Variants in NEMP2 observed in about 807,000 individuals in gnomAD.
NEMP2 encodes the protein nuclear envelope integral membrane protein 2.
NEMP2 carries 53 observed loss-of-function variants against 54.2 expected under a neutral mutation model. The observed-to-expected ratio is 0.98, with a 90% CI of 0.78 to 1.23. NEMP2 has a LOEUF of 1.23. Among genes scored for constraint, NEMP2 ranks in the 50% most tolerant of loss-of-function variants. The pLI is 0.00. For missense variants in NEMP2, 455 were observed against 511.3 expected, an observed-to-expected ratio of 0.89 and a Z score of 1.06; for synonymous variants, 197 against 190.3, an observed-to-expected ratio of 1.04 and a Z score of -0.29.
the NEMP2 span, among the ~76,000 whole-genome samples, chr2:190,487,170 G>A: frequency 6.6e-6 from 1 of 151,954 alleles, no homozygotes; most frequent in Admixed American, 6.6e-5. This position sits in a 1 kb window ranked among gnomAD's most constrained non-coding sequence, Gnocchi z 5.5. Context: ...GTGAAACCCT[G>A]TCTCTACTAA....
Position 190,527,088 on chromosome 2 carries a change from T to C in NEMP2, c.98-1710A>G, listed in dbSNP as rs1690967323. ...TAGAGTGTCACCTCCACATCTGTTC[T>C]TTAGGAAACAGGAACAAGGAACACT... On this transcript the variant is annotated intron_variant, in intron 1 of 8. Coordinates refer to ENST00000409150, the MANE Select transcript of NEMP2 (RefSeq NM_001142645.2). This position sits in a 1 kb window ranked among gnomAD's most constrained non-coding sequence, Gnocchi z 4.0. 6.6e-6 allele frequency among the ~76,000 whole-genome samples: 1 copy of C among 152,184 alleles called. No homozygotes were observed. The highest frequency in any genetic ancestry group is 2.1e-4 in the South Asian group (1 of 4,824).
chr2:190,469,694 T>C, the NEMP2 span: 1 of 967,430 alleles, frequency 1.0e-6, no homozygotes, highest in African/African-American at 1.7e-5. The surrounding 1 kb of genome is among the most constrained non-coding windows in gnomAD (Gnocchi z 5.3). Flanking sequence ...GATTGTATAT[T>C]AGGGACTCAG....
At chr2:190,581,883 G>A in the NEMP2 span, among the ~76,000 whole-genome samples, 4 of 152,094 alleles carry the variant, frequency 2.6e-5, no homozygotes, top group South Asian at 6.2e-4. Flanking sequence ...AGTCATATTG[G>A]TAACTTGAAA....
Position 190,525,039 on chromosome 2 carries a change from A to C in NEMP2, c.213+224T>G, listed in dbSNP as rs1199153654. On this transcript the variant is annotated intron_variant, in intron 2 of 8. Transcript: ENST00000409150. This position sits in a 1 kb window ranked among gnomAD's most constrained non-coding sequence, Gnocchi z 5.0. Reference sequence around the variant, plus strand: ...ACATTTAGATAGTATATTCATTGGGAGTGGCTTGGGAGGGGCTGAGGGAGA... The same window carrying C: ...ACATTTAGATAGTATATTCATTGGGCGTGGCTTGGGAGGGGCTGAGGGAGA... 6.6e-6 allele frequency among the ~76,000 whole-genome samples: 1 copy of C among 152,184 alleles called. No homozygotes were observed. Among genetic ancestry groups the C allele is most frequent in the Non-Finnish European group, 1.5e-5 (1 of 68,030 alleles).
chr2:190,610,172 C>T, the NEMP2 span: 1 of 152,128 alleles, frequency 6.6e-6, no homozygotes, highest in Non-Finnish European at 1.5e-5. This position sits in a 1 kb window ranked among gnomAD's most constrained non-coding sequence, Gnocchi z 5.4. Context: ...AGTTTTGAAA[C>T]ATAATTTTTC....
the NEMP2 span, among the ~76,000 whole-genome samples, chr2:190,439,260 C>T: frequency 0.33 from 50,390 of 151,514 alleles, 9,137 homozygotes; most frequent in Admixed American, 0.47. This position sits in a 1 kb window ranked among gnomAD's most constrained non-coding sequence, Gnocchi z 5.8. Flanking sequence ...CTTACCAATG[C>T]GTGGAGTTCT....
chr2:190,443,698 T>C, the NEMP2 span, among the ~76,000 whole-genome samples: 1 of 152,226 alleles, frequency 6.6e-6, no homozygotes, highest in Non-Finnish European at 1.5e-5. This position sits in a 1 kb window ranked among gnomAD's most constrained non-coding sequence, Gnocchi z 4.2. Flanking sequence ...AAATTGGAAG[T>C]GCACTCCTGA....
intron 1 of NEMP2, among the ~76,000 whole-genome samples, chr2:190,532,079 T>C (rs1691164417): frequency 1.3e-5 from 2 of 152,208 alleles, no homozygotes; most frequent in Non-Finnish European, 2.9e-5. Flanking sequence ...CTGTTTTTCT[T>C]TGGGGACAAG....
chr2:190,460,081 ACTCT>A, the NEMP2 span, among the ~76,000 whole-genome samples: 1 of 151,962 alleles, frequency 6.6e-6, no homozygotes, highest in Non-Finnish European at 1.5e-5. Flanking sequence ...CCTAGCTCTT[ACTCT>A]TCTGGTGAGA....
At chr2:190,623,626 A>G in the NEMP2 span, among the ~76,000 whole-genome samples, 1 of 152,222 alleles carries the variant, frequency 6.6e-6, no homozygotes, top group African/African-American at 2.4e-5. Flanking sequence ...CAGAAGAATG[A>G]AGCTAACCTC....
the NEMP2 span, among the ~76,000 whole-genome samples, chr2:190,472,960 C>T: frequency 6.6e-6 from 1 of 152,114 alleles, no homozygotes; most frequent in African/African-American, 2.4e-5. Context: ...GAATTTTCAA[C>T]CCAGAATTTC....
chr2:190,476,629 T>G, the NEMP2 span, among the ~76,000 whole-genome samples: 1 of 152,268 alleles, frequency 6.6e-6, no homozygotes, highest in Non-Finnish European at 1.5e-5. Context: ...ATTCAACCAT[T>G]GTGGAAGTCA....
chr2:190,534,023 G>A (rs1227066817), intron 1 of NEMP2: 1 of 981,432 alleles, frequency 1.0e-6, no homozygotes, highest in East Asian at 1.2e-4. Flanking sequence ...TGCCGCTCAC[G>A]TGGGACCGTT....
chr2:190,440,525 A>G, the NEMP2 span, among the ~76,000 whole-genome samples: 91 of 152,378 alleles, frequency 6.0e-4, no homozygotes, highest in Admixed American at 5.7e-3. Context: ...ATCTTAAGGT[A>G]TCTTCACATT....
the NEMP2 span, among the ~76,000 whole-genome samples, chr2:190,549,577 C>T: frequency 2.0e-5 from 3 of 152,096 alleles, no homozygotes; most frequent in East Asian, 1.9e-4. Flanking sequence ...TTATCATGAA[C>T]TCATGGATTT....
At chr2:190,546,359 G>A in the NEMP2 span, among the ~76,000 whole-genome samples, 3 of 152,048 alleles carry the variant, frequency 2.0e-5, no homozygotes, top group Non-Finnish European at 4.4e-5. The surrounding 1 kb of genome is among the most constrained non-coding windows in gnomAD (Gnocchi z 5.1). Context: ...GTAAACTAGA[G>A]CTAATCTAAA....
At chr2:190,573,627 C>T in the NEMP2 span, among the ~76,000 whole-genome samples, 1 of 152,098 alleles carries the variant, frequency 6.6e-6, no homozygotes, top group African/African-American at 2.4e-5. Flanking sequence ...TGTAAATAGA[C>T]CAAGAAATAA....
downstream of NEMP2, chr2:190,499,915 TG>T: frequency 6.3e-7 from 1 of 1,583,006 alleles, no homozygotes; most frequent in Non-Finnish European, 8.6e-7. This position sits in a 1 kb window ranked among gnomAD's most constrained non-coding sequence, Gnocchi z 6.0. Context: ...CACTTCCGGA[TG>T]ATCTCCCCAT....
upstream of NEMP2, among the ~76,000 whole-genome samples, chr2:190,537,055 A>G (rs1189400006): frequency 7.2e-5 from 11 of 152,244 alleles, no homozygotes; most frequent in East Asian, 2.1e-3. Flanking sequence ...AGATTCAGAA[A>G]TGACCCATAT....
Sources: allele counts gnomAD v4.1 joint callset (sites outside exome capture counted in the v4.1 genomes callset), GRCh38; gene constraint gnomAD v4.1.1; non-coding constraint Gnocchi (gnomAD v3.1); transcripts MANE v1.5; gene names NCBI Gene and HGNC (gene_info 2026-07-23, HGNC 2026-07-21).